VRK2: variants seen among roughly 807,000 people sequenced by gnomAD.
VRK2 encodes serine/threonine-protein kinase VRK2.
In VRK2, 60 loss-of-function variants were observed where a neutral mutation model predicts 57.6. The observed-to-expected ratio is 1.04, with a 90% CI of 0.85 to 1.29. The LOEUF is 1.29. Among genes scored for constraint, VRK2 ranks in the 50% most tolerant of loss-of-function variants. The pLI is 0.00. For synonymous variants in VRK2, 231 were observed against 199.2 expected (o/e 1.16, Z -1.35); for missense variants, 705 against 588.1 (o/e 1.20, Z -2.06).
chr2:57,908,940 A>G (rs1266440192), intron 1 of VRK2, among the ~76,000 whole-genome samples: 1 of 152,208 alleles, frequency 6.6e-6, no homozygotes, highest in African/African-American at 2.4e-5. Flanking sequence ...CAACCAATCA[A>G]AAGTAGCCAA....
At chr2:58,148,808 A>T (rs1682551403) in intron 12 of VRK2, among the ~76,000 whole-genome samples, 1 of 151,724 alleles carries the variant, frequency 6.6e-6, no homozygotes, top group Non-Finnish European at 1.5e-5. Context: ...AAAGTCAGCT[A>T]ACTGTGTGTG....
intron 1 of VRK2, chr2:58,047,151 C>T: frequency 6.2e-6 from 2 of 320,636 alleles, no homozygotes; most frequent in Non-Finnish European, 9.0e-6. Context: ...TCTCTTTTTG[C>T]CGGTGCAGAG....
At chr2:57,915,811 C>T (rs539513474) in intron 1 of VRK2, among the ~76,000 whole-genome samples, 1 of 152,176 alleles carries the variant, frequency 6.6e-6, no homozygotes, top group Non-Finnish European at 1.5e-5. Context: ...GAGTGGTGGG[C>T]AAGCCAGCAT....
At chr2:57,987,655 T>C (rs1337220494) in intron 1 of VRK2, among the ~76,000 whole-genome samples, 2 of 152,154 alleles carry the variant, frequency 1.3e-5, no homozygotes, top group African/African-American at 4.8e-5. Flanking sequence ...TCCTGGACAC[T>C]TATCTACATG....
At chr2:58,007,565 T>G (rs887447727) in intron 1 of VRK2, among the ~76,000 whole-genome samples, 2 of 152,162 alleles carry the variant, frequency 1.3e-5, no homozygotes, top group Non-Finnish European at 2.9e-5. Flanking sequence ...TTAATAACAT[T>G]TTCTCTGCTT....
At chr2:58,088,099 T>G (rs1479748519) in intron 5 of VRK2, among the ~76,000 whole-genome samples, 3 of 152,256 alleles carry the variant, frequency 2.0e-5, no homozygotes, top group African/African-American at 7.2e-5. Flanking sequence ...TTTTTCATTA[T>G]GTAAAACAGT....
intron 1 of VRK2, among the ~76,000 whole-genome samples, chr2:57,993,024 A>C (rs1197185868): frequency 1.3e-5 from 2 of 152,218 alleles, no homozygotes; most frequent in Non-Finnish European, 2.9e-5. Context: ...GCACAATAAA[A>C]ATACTGATCC....
At chr2:58,054,585 G>T (rs543153696) in intron 2 of VRK2, among the ~76,000 whole-genome samples, 1 of 152,138 alleles carries the variant, frequency 6.6e-6, no homozygotes, top group South Asian at 2.1e-4. Context: ...GGAATAAATA[G>T]TATGAGGTGT....
At chr2:58,156,494 ATACTT>A (rs1161600940) in intron 12 of VRK2, among the ~76,000 whole-genome samples, 1 of 152,114 alleles carries the variant, frequency 6.6e-6, no homozygotes, top group East Asian at 1.9e-4. Flanking sequence ...GCATGTTAGA[ATACTT>A]TACCTTTTTC....
intron 2 of VRK2, among the ~76,000 whole-genome samples, chr2:58,069,530 C>T (rs149726777): frequency 4.5e-4 from 69 of 152,184 alleles, no homozygotes; most frequent in African/African-American, 1.3e-3. Context: ...TGCCATGCAC[C>T]TGTGTCTGCG....
At chr2:58,136,030 CCT>C (rs1276264632) in intron 10 of VRK2, among the ~76,000 whole-genome samples, 4 of 152,236 alleles carry the variant, frequency 2.6e-5, no homozygotes, top group African/African-American at 9.6e-5. Context: ...TGTACACTGA[CCT>C]CTCTAGCTAA....
chr2:57,947,369 G>A (rs961663658), intron 1 of VRK2, among the ~76,000 whole-genome samples: 6 of 152,066 alleles, frequency 3.9e-5, no homozygotes, highest in Admixed American at 2.0e-4. Context: ...ATTTACACAT[G>A]CACATTCAAA....
chr2:57,976,280 T>C (rs1572926914), intron 1 of VRK2, among the ~76,000 whole-genome samples: 1 of 152,160 alleles, frequency 6.6e-6, no homozygotes, highest in African/African-American at 2.4e-5. Context: ...TATCCAGTAA[T>C]GGAATTGCTG....
At chr2:58,132,474 T>A (rs1252277083) in intron 9 of VRK2, among the ~76,000 whole-genome samples, 1 of 152,232 alleles carries the variant, frequency 6.6e-6, no homozygotes, top group East Asian at 1.9e-4. Flanking sequence ...CTACATTCAG[T>A]TTTTATTACC....
At chr2:57,929,349 T>C (rs145711450) in intron 1 of VRK2, among the ~76,000 whole-genome samples, 1 of 152,300 alleles carries the variant, frequency 6.6e-6, no homozygotes, top group Non-Finnish European at 1.5e-5. Flanking sequence ...GCCTTAGGCC[T>C]ATGGTGAGTA....
At chr2:57,961,581 A>G (rs889468013) in intron 1 of VRK2, among the ~76,000 whole-genome samples, 1 of 151,586 alleles carries the variant, frequency 6.6e-6, no homozygotes. Flanking sequence ...GCCTTGTTTC[A>G]CATAGGATTT....
chr2:58,047,487 C>A (rs1189474792), intron 1 of VRK2: 1 of 985,262 alleles, frequency 1.0e-6, no homozygotes, highest in Non-Finnish European at 1.2e-6. Flanking sequence ...TTCGTAGAGT[C>A]TCCCTTACCG....
At chr2:58,097,336 A>G (rs1365505086) in intron 7 of VRK2, among the ~76,000 whole-genome samples, 1 of 151,012 alleles carries the variant, frequency 6.6e-6, no homozygotes, top group African/African-American at 2.4e-5. Flanking sequence ...TATTGCTGTT[A>G]TTTGGTATAC....
At position 57,971,004 on chromosome 2, in the gene VRK2, T is replaced by A. The variant is rs562640878; in HGVS notation, c.-438-54661T>A. Among the ~76,000 whole-genome samples, 4 of 152,188 alleles carry A rather than the reference T, an allele frequency of 2.6e-5. No individual in the cohort carries two copies. In the South Asian group the frequency reaches 6.2e-4, roughly 24 times the overall value. ...TCTGCTGGTTGCATCTCTGTAGTAT[T>A]ATTTACATGTTGCTCTATTCCATGT... On this transcript the variant is annotated intron_variant, in intron 1 of 15. Coordinates refer to the VRK2 transcript ENST00000417641.
Sources: allele counts gnomAD v4.1 joint callset (sites outside exome capture counted in the v4.1 genomes callset), GRCh38; gene constraint gnomAD v4.1.1; transcripts MANE v1.5; gene names NCBI Gene and HGNC (gene_info 2026-07-23, HGNC 2026-07-21).